Variants in NRXN3 observed in about 807,000 individuals in gnomAD.
NRXN3 encodes neurexin 3.
Under a neutral mutation model 137.6 loss-of-function variants are expected in NRXN3, and 32 were observed. The ratio of observed to expected loss-of-function variants is 0.23; its 90% CI spans 0.18 to 0.31. The LOEUF is 0.31. Ranked by LOEUF, NRXN3 falls within the 10% of genes least tolerant of loss-of-function variation. The pLI is 1.00. For missense variants in NRXN3, 1,574 were observed against 2,062.5 expected (o/e 0.76, Z 4.59); for synonymous variants, 798 against 784.5 (o/e 1.02, Z -0.29).
intron 19 of NRXN3, among the ~76,000 whole-genome samples, chr14:79,712,451 C>G (rs2098807835): frequency 6.6e-6 from 1 of 152,186 alleles, no homozygotes; most frequent in African/African-American, 2.4e-5. Flanking sequence ...TAAGATCATA[C>G]ATGAACTGAC....
At position 79,417,834 on chromosome 14, in the gene NRXN3, G is replaced by A. The variant is rs138773078; in HGVS notation, c.3263-49387G>A. On this transcript the variant is annotated intron_variant, in intron 15 of 20. Coordinates refer to ENST00000335750, the MANE Select transcript of NRXN3 (RefSeq NM_001330195.2). ...AAAACACATACTTCCAGCTCTCTGA[G>A]ATGATATGCCAGACAGGGCTTTTGA... is the stretch of plus-strand genomic sequence containing the variant. Among the ~76,000 whole-genome samples the A allele has an allele frequency of 5.5e-3, 839 of 152,154 alleles. 12 individuals carry two copies. The highest frequency in any genetic ancestry group is 5.2e-3 in the Non-Finnish European group (356 of 68,004).
chr14:78,957,457 A>G (rs2099399012), intron 11 of NRXN3, 96 bp downstream of exon 11: 5 of 1,379,270 alleles, frequency 3.6e-6, no homozygotes, highest in South Asian at 1.4e-5. Flanking sequence ...TTTATTTTGC[A>G]TAGTAGAAGT....
intron 10 of NRXN3, among the ~76,000 whole-genome samples, chr14:78,897,399 G>T (rs2099180526): frequency 6.6e-6 from 1 of 151,260 alleles, no homozygotes; most frequent in Non-Finnish European, 1.5e-5. Context: ...AATAATCAGA[G>T]AGTGGTTCTC....
intron 15 of NRXN3, among the ~76,000 whole-genome samples, chr14:79,450,126 A>G (rs2096141875): frequency 6.6e-6 from 1 of 151,650 alleles, no homozygotes; most frequent in Non-Finnish European, 1.5e-5. Context: ...CTCTCTCTCT[A>G]AGTGCCCTAG....
At chr14:79,294,473 G>C (rs929051091) in intron 15 of NRXN3, among the ~76,000 whole-genome samples, 1 of 152,160 alleles carries the variant, frequency 6.6e-6, no homozygotes, top group Non-Finnish European at 1.5e-5. Context: ...GTAATTATTT[G>C]ATCCACAGCA....
chr14:78,336,264 C>G lies in NRXN3; in HGVS notation c.757+38404C>G, dbSNP rs1379894171. Among the ~76,000 whole-genome samples the G allele has an allele frequency of 5.9e-5, 9 of 152,158 alleles. 1 individual carries two copies. The highest frequency in any genetic ancestry group is 5.9e-4 in the Admixed American group (9 of 15,276). ...TGGGACCTGGGTTCTTGGAATTGGT[C>G]TGATTATCTTTAATGTGTTAATAAT... On this transcript the variant is annotated intron_variant, in intron 4 of 20. Transcript: ENST00000335750.
intron 16 of NRXN3, among the ~76,000 whole-genome samples, chr14:79,567,353 G>A (rs569643094): frequency 1.2e-4 from 18 of 151,868 alleles, no homozygotes; most frequent in African/African-American, 4.1e-4. Context: ...ACTGACCTCC[G>A]GACACAAGAC....
At chr14:78,540,667 T>G (rs2096581408) in intron 4 of NRXN3, among the ~76,000 whole-genome samples, 1 of 152,348 alleles carries the variant, frequency 6.6e-6, no homozygotes, top group African/African-American at 2.4e-5. Flanking sequence ...ATTATGATAT[T>G]CACTGGTTAT....
intron 15 of NRXN3, among the ~76,000 whole-genome samples, chr14:79,078,156 T>TA (rs1425142822): frequency 6.6e-6 from 1 of 152,168 alleles, no homozygotes; most frequent in Non-Finnish European, 1.5e-5. Flanking sequence ...CTGCTGCTCT[T>TA]AGAATCACAG....
At chr14:79,132,834 C>T (rs551746164) in intron 15 of NRXN3, among the ~76,000 whole-genome samples, 6 of 152,306 alleles carry the variant, frequency 3.9e-5, no homozygotes, top group South Asian at 2.1e-4. Context: ...AGTTGAGCTG[C>T]GATGCAGGCC....
intron 8 of NRXN3, among the ~76,000 whole-genome samples, chr14:78,797,896 C>T (rs1051354508): frequency 6.6e-6 from 1 of 152,132 alleles, no homozygotes; most frequent in African/African-American, 2.4e-5. Context: ...GAGACTTATT[C>T]ACTATGATGA....
At chr14:78,895,553 T>A (rs769731755) in intron 10 of NRXN3, among the ~76,000 whole-genome samples, 2 of 151,934 alleles carry the variant, frequency 1.3e-5, no homozygotes, top group Non-Finnish European at 2.9e-5. Flanking sequence ...AACTTTCTTA[T>A]CATCTGTGTG....
intron 4 of NRXN3, among the ~76,000 whole-genome samples, chr14:78,415,818 C>G (rs960260462): frequency 6.6e-6 from 1 of 152,012 alleles, no homozygotes; most frequent in African/African-American, 2.4e-5. Context: ...GAGATCTCTG[C>G]ATGCATGCAC....
intron 5 of NRXN3, 69 bp from the exon 6 acceptor site, chr14:78,651,096 G>A: frequency 1.4e-6 from 2 of 1,379,666 alleles, no homozygotes; most frequent in South Asian, 2.6e-5. Context: ...AGTAGGGGAA[G>A]CCACTGGGTT....
chr14:78,702,102 C>T (rs1419409477), intron 6 of NRXN3, among the ~76,000 whole-genome samples: 1 of 152,038 alleles, frequency 6.6e-6, no homozygotes, highest in East Asian at 1.9e-4. Context: ...CCATCTGCTG[C>T]CACATTTGTG....
At chr14:79,747,488 A>C (rs1322384572) in intron 19 of NRXN3, among the ~76,000 whole-genome samples, 1 of 152,076 alleles carries the variant, frequency 6.6e-6, no homozygotes, top group Non-Finnish European at 1.5e-5. Flanking sequence ...CATTTCCTGC[A>C]CTATGTTTCC....
intron 1 of NRXN3, among the ~76,000 whole-genome samples, chr14:78,225,945 T>G (rs2064499922): frequency 1.9e-5 from 1 of 53,420 alleles, no homozygotes; most frequent in Non-Finnish European, 4.0e-5. Flanking sequence ...GTAGCAGGTG[T>G]TTTTTTGGTG....
chr14:78,792,999 A>G (rs1595903496), intron 8 of NRXN3, among the ~76,000 whole-genome samples: 1 of 152,224 alleles, frequency 6.6e-6, no homozygotes, highest in Non-Finnish European at 1.5e-5. Flanking sequence ...AAAATAATTT[A>G]AAGAGTGTAA....
chr14:79,112,857 A>G (rs897696341), intron 15 of NRXN3, among the ~76,000 whole-genome samples: 4 of 152,326 alleles, frequency 2.6e-5, no homozygotes, highest in Middle Eastern at 3.4e-3. Flanking sequence ...TTTACAGCCA[A>G]ATGAAGTGAG....
Sources: allele counts gnomAD v4.1 joint callset (sites outside exome capture counted in the v4.1 genomes callset), GRCh38; gene constraint gnomAD v4.1.1; transcripts MANE v1.5; gene names NCBI Gene and HGNC (gene_info 2026-07-23, HGNC 2026-07-21).